The following PPM1D variants were observed in gnomAD, a reference collection of about 807,000 sequenced individuals.
The protein encoded by PPM1D is protein phosphatase, Mg2+/Mn2+ dependent 1D.
Under a neutral mutation model 58.3 loss-of-function variants are expected in PPM1D, and 52 were observed. That is an observed-to-expected ratio of 0.89 (90% CI 0.71 to 1.12). The LOEUF is 1.12. Among genes scored for constraint, PPM1D ranks in the 50% most tolerant of loss-of-function variants. The pLI, the probability that PPM1D is intolerant of heterozygous loss-of-function variation, is 0.00. For missense variants in PPM1D, 564 were observed against 777.2 expected (o/e 0.73, Z 3.26); for synonymous variants, 278 against 285.1 (o/e 0.98, Z 0.25).
At chr17:60,638,581 C>G (rs188372467) in intron 3 of PPM1D, among the ~76,000 whole-genome samples, 3 of 152,118 alleles carry the variant, frequency 2.0e-5, no homozygotes, top group East Asian at 1.9e-4. Flanking sequence ...GTTGGCCAGG[C>G]TGGTCTCGAA....
chr17:60,624,603 A>G (rs1315802030), intron 2 of PPM1D, among the ~76,000 whole-genome samples: 1 of 151,990 alleles, frequency 6.6e-6, no homozygotes, highest in African/African-American at 2.4e-5. Flanking sequence ...CCTGACCAAC[A>G]TGGAGAAACC....
At position 60,663,572 on chromosome 17, in the gene PPM1D, G is replaced by A; in HGVS notation, c.*20G>A. ...TGCTGAAATGCATCTGGGAAATGAG[G>A]TTTTTCCAAACTTAGGATATAAGAG... On this transcript the variant is annotated 3_prime_UTR_variant, in exon 6 of 6. Transcript: ENST00000305921. The A allele has an allele frequency of 1.9e-6, 3 of 1,592,862 alleles. No individual in the cohort carries two copies. Among genetic ancestry groups the A allele is most frequent in the Non-Finnish European group, 2.6e-6 (3 of 1,172,978 alleles).
chr17:60,607,242 A>G (rs2030349555), intron 1 of PPM1D, among the ~76,000 whole-genome samples: 1 of 151,896 alleles, frequency 6.6e-6, no homozygotes, highest in Non-Finnish European at 1.5e-5. Flanking sequence ...CTGCCCTTTT[A>G]TTATGCTTGC....
At chr17:60,652,629 A>G (rs1410024873) in intron 4 of PPM1D, among the ~76,000 whole-genome samples, 3 of 137,936 alleles carry the variant, frequency 2.2e-5, no homozygotes, top group Admixed American at 8.4e-5. Flanking sequence ...CATTCCCACT[A>G]ACACTGAGGG....
intron 5 of PPM1D, 71 bp downstream of exon 5, chr17:60,656,912 C>T (rs1370590073): frequency 4.4e-6 from 7 of 1,606,978 alleles, no homozygotes; most frequent in Non-Finnish European, 5.1e-6. Context: ...CACCTGGAAA[C>T]AATTTTTAAA....
intron 3 of PPM1D, among the ~76,000 whole-genome samples, chr17:60,638,750 A>G (rs2031074441): frequency 6.6e-6 from 1 of 152,212 alleles, no homozygotes; most frequent in African/African-American, 2.4e-5. Flanking sequence ...TTACTGGCCT[A>G]AAGTAAATTA....
chr17:60,644,403 T>G lies in PPM1D; in HGVS notation c.827-3489T>G, dbSNP rs556185720. Reference sequence around the variant, plus strand: ...CTCCTGTCTCCACCTCCCAAAGTGCTGGGATTACAGGCATGAGCCACCTAA... The same window carrying G: ...CTCCTGTCTCCACCTCCCAAAGTGCGGGGATTACAGGCATGAGCCACCTAA... On this transcript the variant is annotated intron_variant, in intron 3 of 5. Transcript: ENST00000305921. Among the ~76,000 whole-genome samples, 3 of 152,322 alleles carry G rather than the reference T, an allele frequency of 2.0e-5. No homozygotes were observed. The East Asian group carries it at 5.8e-4, about 29-fold the overall frequency.
intron 2 of PPM1D, 78 bp downstream of exon 2, chr17:60,623,827 T>C: frequency 7.3e-7 from 1 of 1,371,816 alleles, no homozygotes; most frequent in Non-Finnish European, 1.0e-6. Flanking sequence ...ATTGACCTAC[T>C]ACTGTCCCTT....
rs1301099265 is a variant in PPM1D, at chr17:60,663,846, G to A, written c.*294G>A. 8.7e-6 allele frequency: 2 copies of A among 231,158 alleles called. No individual in the cohort carries two copies. The highest frequency in any genetic ancestry group is 1.7e-5 in the Non-Finnish European group (2 of 118,076). The allele number at this position is 231,158 out of a possible 1,614,324, so 14.3% of individuals were successfully genotyped here. A position where few individuals can be genotyped will look rare whatever the true frequency, so the allele number is the denominator to read the frequency against. On this transcript the variant is annotated 3_prime_UTR_variant, in exon 6 of 6. Transcript: ENST00000305921. ...TGATACACAGTAATTGTGACAATAG[G>A]GCTAAATGTTTAAAGAAATCAAAAG...
chr17:60,653,284 C>T lies in PPM1D; in HGVS notation c.1018-3315C>T, dbSNP rs918349358. Among the ~76,000 whole-genome samples the T allele has an allele frequency of 3.3e-5, 5 of 152,206 alleles. No homozygotes were observed. The South Asian group carries it at 1.0e-3, about 32-fold the overall frequency. ...TTTCATTCTTCAGCATATAGTTATC[C>T]AGTTTTCCCCCTACCATTTATTGTT... On this transcript the variant is annotated intron_variant, in intron 4 of 5. Transcript: ENST00000305921.
Position 60,647,957 on chromosome 17 carries a change from G to A in PPM1D, c.892G>A (p.Val298Ile). 1 of 1,613,522 alleles carries A rather than the reference G, an allele frequency of 6.2e-7. No homozygotes were observed. The highest frequency in any genetic ancestry group is 1.1e-5 in the South Asian group (1 of 91,042). The change falls in exon 4 of 6, where the codon GTC becomes ATC. Residue 298 changes from valine to isoleucine, a missense_variant. Physicochemically the swap from Val to Ile is conservative, Grantham distance 29. Transcript: ENST00000305921. ...FVVSPEPDTS[V>I]HTLDPQKHKY... ...GGTGTCACCTGAACCAGACACAAGT[G>A]TCCACACTCTTGACCCTCAGAAGCA...
chr17:60,662,872 A>T, intron 5 of PPM1D, 123 bp from the exon 6 acceptor site: 2 of 842,076 alleles, frequency 2.4e-6, no homozygotes, highest in Non-Finnish European at 3.8e-6. Flanking sequence ...TGAACGAATT[A>T]GTGAATGCAT....
chr17:60,661,877 G>T (rs1466686503), intron 5 of PPM1D, among the ~76,000 whole-genome samples: 1 of 152,150 alleles, frequency 6.6e-6, no homozygotes, highest in Admixed American at 6.5e-5. Context: ...GAATTTAGGA[G>T]ATAGGATAAA....
At chr17:60,622,575 T>C (rs2030727856) in intron 1 of PPM1D, among the ~76,000 whole-genome samples, 1 of 152,222 alleles carries the variant, frequency 6.6e-6, no homozygotes, top group African/African-American at 2.4e-5. Flanking sequence ...CCTAAATATT[T>C]GAGTTATCTG....
chr17:60,648,376 A>G (rs1377173117), intron 4 of PPM1D, among the ~76,000 whole-genome samples: 1 of 150,692 alleles, frequency 6.6e-6, no homozygotes, highest in Non-Finnish European at 1.5e-5. Flanking sequence ...TCCATACCAT[A>G]AAATTTATCG....
At chr17:60,622,013 C>A (rs1215150463) in intron 1 of PPM1D, among the ~76,000 whole-genome samples, 1 of 151,136 alleles carries the variant, frequency 6.6e-6, no homozygotes, top group Non-Finnish European at 1.5e-5. Flanking sequence ...CAGTGAAACC[C>A]CGTCTCTACT....
chr17:60,610,197 T>TA (rs1297401952), intron 1 of PPM1D, among the ~76,000 whole-genome samples: 1 of 149,204 alleles, frequency 6.7e-6, no homozygotes, highest in African/African-American at 2.5e-5. Context: ...AAAAAAAAGA[T>TA]ATGTATGTAC....
intron 1 of PPM1D, among the ~76,000 whole-genome samples, chr17:60,621,350 C>A (rs866116080): frequency 6.6e-6 from 1 of 152,004 alleles, no homozygotes; most frequent in South Asian, 2.1e-4. Context: ...TTTTCCAGTG[C>A]CATTTATTGA....
intron 3 of PPM1D, 56 bp downstream of exon 3, chr17:60,634,033 C>G: frequency 6.3e-7 from 1 of 1,575,100 alleles, no homozygotes; most frequent in South Asian, 1.1e-5. Context: ...TATATGGTGG[C>G]AAAATAAAAG....
Sources: gnomAD v4.1 joint callset for allele counts (sites outside exome capture counted in the v4.1 genomes callset) on GRCh38, gnomAD v4.1.1 for gene constraint, MANE v1.5 for transcripts, NCBI Gene and HGNC (gene_info 2026-07-23, HGNC 2026-07-21) for gene names.